TMEM132D: variants seen among roughly 807,000 people sequenced by gnomAD.
TMEM132D encodes the protein mature OL transmembrane protein.
In TMEM132D, 21 loss-of-function variants were observed where a neutral mutation model predicts 62.3. The observed-to-expected ratio is 0.34, with a 90% CI of 0.24 to 0.49. TMEM132D has a LOEUF of 0.49. Among genes scored for constraint, TMEM132D ranks in the 20% least tolerant of loss-of-function variants. The pLI, the probability that TMEM132D is intolerant of heterozygous loss-of-function variation, is 0.99. For missense variants in TMEM132D, 1,346 were observed against 1,402.8 expected, an observed-to-expected ratio of 0.96 and a Z score of 0.65; for synonymous variants, 621 against 575.6, an observed-to-expected ratio of 1.08 and a Z score of -1.13.
intron 5 of TMEM132D, among the ~76,000 whole-genome samples, chr12:129,193,461 G>T (rs983293600): frequency 6.6e-6 from 1 of 152,150 alleles, no homozygotes; most frequent in African/African-American, 2.4e-5. Flanking sequence ...AATTTGGGCT[G>T]CTGCCACCAG....
chr12:129,248,842 C>A (rs1880192378), intron 4 of TMEM132D, among the ~76,000 whole-genome samples: 1 of 152,154 alleles, frequency 6.6e-6, no homozygotes, highest in African/African-American at 2.4e-5. Flanking sequence ...TAACGGCCTC[C>A]AGCTCCACCC....
intron 2 of TMEM132D, among the ~76,000 whole-genome samples, chr12:129,692,794 C>A (rs1881093120): frequency 6.6e-6 from 1 of 151,774 alleles, no homozygotes; most frequent in South Asian, 2.1e-4. Context: ...GGGAGCTGAA[C>A]AATGAGAAAA....
At chr12:129,772,681 G>A (rs1367045659) in intron 1 of TMEM132D, among the ~76,000 whole-genome samples, 1 of 152,180 alleles carries the variant, frequency 6.6e-6, no homozygotes, top group East Asian at 1.9e-4. Context: ...GCATCTAGAT[G>A]TTTCTAAAAG....
At chr12:129,834,092 G>A (rs1027710189) in intron 1 of TMEM132D, among the ~76,000 whole-genome samples, 4 of 152,154 alleles carry the variant, frequency 2.6e-5, no homozygotes, top group Non-Finnish European at 5.9e-5. Context: ...ATAAGGGATT[G>A]TAACCGAGTG....
At chr12:129,541,645 A>G (rs1440312378) in intron 2 of TMEM132D, among the ~76,000 whole-genome samples, 4 of 152,170 alleles carry the variant, frequency 2.6e-5, no homozygotes, top group African/African-American at 9.7e-5. Flanking sequence ...AACTGCCCAC[A>G]TGTCAATGAT....
At chr12:129,436,379 T>C (rs1046821564) in intron 3 of TMEM132D, among the ~76,000 whole-genome samples, 6 of 152,092 alleles carry the variant, frequency 3.9e-5, no homozygotes, top group African/African-American at 1.4e-4. Flanking sequence ...GACATTCTCA[T>C]ATATATATAA....
chr12:129,849,622 T>C (rs1005787770), intron 1 of TMEM132D, among the ~76,000 whole-genome samples: 16 of 152,194 alleles, frequency 1.1e-4, no homozygotes, highest in African/African-American at 3.9e-4. Flanking sequence ...AAAAGCTAAC[T>C]GGTCACCCCG....
intron 3 of TMEM132D, among the ~76,000 whole-genome samples, chr12:129,343,012 G>C (rs928728158): frequency 6.6e-6 from 1 of 152,218 alleles, no homozygotes; most frequent in African/African-American, 2.4e-5. Flanking sequence ...GTGGAAGTCA[G>C]TGTGGTGACT....
Position 129,569,829 on chromosome 12 carries a change from G to A in TMEM132D, c.969-38624C>T, listed in dbSNP as rs939458330. Among the ~76,000 whole-genome samples the A allele has an allele frequency of 4.6e-5, 7 of 152,100 alleles. No individual in the cohort carries two copies. In the South Asian group the frequency reaches 6.2e-4, roughly 14 times the overall value. ...AAATTATCACCCACTGGCTGCTACC[G>A]TATAAAAAGGAGGAAAGTTTTAATT... On this transcript the variant is annotated intron_variant, in intron 2 of 8. Coordinates refer to ENST00000422113, the MANE Select transcript of TMEM132D (RefSeq NM_133448.3).
At chr12:129,502,632 A>G (rs192087461) in intron 3 of TMEM132D, among the ~76,000 whole-genome samples, 166 of 152,224 alleles carry the variant, frequency 1.1e-3, no homozygotes, top group Non-Finnish European at 1.9e-3. Context: ...GAGCAATGCT[A>G]TATGATATCA....
chr12:129,126,358 CTT>C (rs397938044), intron 5 of TMEM132D, among the ~76,000 whole-genome samples: 1 of 147,360 alleles, frequency 6.8e-6, no homozygotes, highest in Admixed American at 6.7e-5. Flanking sequence ...GTTTCTCTCT[CTT>C]TTTTTTTTTT....
intron 4 of TMEM132D, among the ~76,000 whole-genome samples, chr12:129,324,665 C>T (rs973052065): frequency 6.6e-6 from 1 of 151,958 alleles, no homozygotes; most frequent in Non-Finnish European, 1.5e-5. Context: ...CCCATCCCTA[C>T]TAGAAATACA....
chr12:129,360,390 G>A (rs1413994825), intron 3 of TMEM132D, among the ~76,000 whole-genome samples: 6 of 152,188 alleles, frequency 3.9e-5, no homozygotes, highest in Non-Finnish European at 8.8e-5. Context: ...AGCAGAAAAT[G>A]CTACTTTTCT....
rs1313066230 is a variant in TMEM132D, at chr12:129,773,033, C to A, written c.80-72335G>T. ...CAGAAAATCATGAGGGAAGAGTCAG[C>A]GGTTTGTTAGAACAAACAAGGGGGA... On this transcript the variant is annotated intron_variant, in intron 1 of 8. Transcript: ENST00000422113. Among the ~76,000 whole-genome samples, 12 of 152,072 alleles carry A rather than the reference C, an allele frequency of 7.9e-5. 2 individuals carry two copies. Among genetic ancestry groups the A allele is most frequent in the Admixed American group, 7.2e-4 (11 of 15,274 alleles).
intron 2 of TMEM132D, among the ~76,000 whole-genome samples, chr12:129,632,794 C>T (rs1316813289): frequency 6.6e-6 from 1 of 152,244 alleles, no homozygotes; most frequent in South Asian, 2.1e-4. Context: ...AGTATGGACC[C>T]CAAGCTGCCT....
At position 129,504,550 on chromosome 12, in the gene TMEM132D, T is replaced by C. The variant is rs1008840767; in HGVS notation, c.1115+26509A>G. On this transcript the variant is annotated intron_variant, in intron 3 of 8. Transcript: ENST00000422113. ...AGTAGCCTTGAATTATTTTTTGTAT[T>C]TCTGTGGTGTCAGTTGTAATATCCT... 4.6e-5 allele frequency among the ~76,000 whole-genome samples: 7 copies of C among 152,202 alleles called. No individual in the cohort carries two copies. The East Asian group carries it at 1.2e-3, about 25-fold the overall frequency.
chr12:129,245,899 T>G (rs1880089901), intron 4 of TMEM132D, among the ~76,000 whole-genome samples: 1 of 152,160 alleles, frequency 6.6e-6, no homozygotes, highest in Non-Finnish European at 1.5e-5. Flanking sequence ...CATGTAAAAA[T>G]ACACAATTCT....
chr12:129,881,304 A>G (rs1874589072), intron 1 of TMEM132D, among the ~76,000 whole-genome samples: 1 of 152,076 alleles, frequency 6.6e-6, no homozygotes, highest in African/African-American at 2.4e-5. Context: ...AAATATACAT[A>G]AAGAAAATTC....
intron 3 of TMEM132D, among the ~76,000 whole-genome samples, chr12:129,431,117 A>G (rs1872642905): frequency 6.6e-6 from 1 of 152,196 alleles, no homozygotes; most frequent in Non-Finnish European, 1.5e-5. Flanking sequence ...CATTGTTATA[A>G]CAGCAGCTGA....
Sources: allele counts gnomAD v4.1 joint callset (sites outside exome capture counted in the v4.1 genomes callset), GRCh38; gene constraint gnomAD v4.1.1; transcripts MANE v1.5; gene names NCBI Gene and HGNC (gene_info 2026-07-23, HGNC 2026-07-21).